Variants in OR3A2 observed in about 807,000 individuals in gnomAD.
OR3A2 encodes olfactory receptor 3A2.
For missense variants in OR3A2, 318 were observed against 392.8 expected, an observed-to-expected ratio of 0.81 and a Z score of 1.61; for synonymous variants, 126 against 159.3, an observed-to-expected ratio of 0.79 and a Z score of 1.57.
intron 2 of OR3A2, among the ~76,000 whole-genome samples, chr17:3,338,098 T>A (rs1192729737): frequency 6.6e-6 from 1 of 152,232 alleles, no homozygotes; most frequent in Non-Finnish European, 1.5e-5. Flanking sequence ...ATTCATATGC[T>A]TTGCCCACTT....
chr17:3,349,078 T>A (rs2049395859), intron 2 of OR3A2, among the ~76,000 whole-genome samples: 1 of 152,120 alleles, frequency 6.6e-6, no homozygotes. Context: ...TGCAAAATCA[T>A]GCCAAAATGT....
At chr17:3,339,948 G>A (rs977719679) in intron 2 of OR3A2, among the ~76,000 whole-genome samples, 3 of 152,126 alleles carry the variant, frequency 2.0e-5, no homozygotes, top group Non-Finnish European at 4.4e-5. Context: ...CTCAATTTCA[G>A]AGCCTGTTAT....
chr17:3,359,406 G>A (rs1357811150), intron 2 of OR3A2, among the ~76,000 whole-genome samples: 2 of 151,594 alleles, frequency 1.3e-5, no homozygotes, highest in South Asian at 2.1e-4. Context: ...TGTATTAGCT[G>A]GCAGTAGTCT....
chr17:3,369,454 G>A (rs1337881051), intron 2 of OR3A2, among the ~76,000 whole-genome samples: 2 of 152,114 alleles, frequency 1.3e-5, no homozygotes, highest in Non-Finnish European at 2.9e-5. Flanking sequence ...AAAGGATGCT[G>A]GATTTTGTCA....
chr17:3,373,780 G>T (rs547458827), intron 2 of OR3A2, among the ~76,000 whole-genome samples: 1 of 152,198 alleles, frequency 6.6e-6, no homozygotes, highest in African/African-American at 2.4e-5. Flanking sequence ...GGGGCACTTA[G>T]GCCATTTACA....
chr17:3,371,599 T>G (rs1228135501), intron 2 of OR3A2, among the ~76,000 whole-genome samples: 4 of 93,556 alleles, frequency 4.3e-5, no homozygotes, highest in South Asian at 4.1e-4. Context: ...CCGGACGGGG[T>G]GGCTGGCCGG....
chr17:3,338,420 C>T (rs1184390911), intron 2 of OR3A2, among the ~76,000 whole-genome samples: 2 of 152,084 alleles, frequency 1.3e-5, no homozygotes, highest in African/African-American at 2.4e-5. Context: ...ATATTTAAGT[C>T]TTTAATCCAT....
intron 2 of OR3A2, among the ~76,000 whole-genome samples, chr17:3,346,901 G>T (rs77322501): frequency 6.6e-6 from 1 of 152,214 alleles, no homozygotes; most frequent in East Asian, 1.9e-4. Flanking sequence ...GTACTCCATT[G>T]TGTATATGCA....
chr17:3,278,373 C>G, exon 2 of OR3A2: 1 of 1,614,152 alleles, frequency 6.2e-7, no homozygotes, highest in Non-Finnish European at 8.5e-7. Flanking sequence ...TGGGAGGTCA[C>G]AGTAGAAGTG....
intron 3 of OR3A2, among the ~76,000 whole-genome samples, chr17:3,309,607 A>C (rs1236164040): frequency 6.6e-6 from 1 of 152,098 alleles, no homozygotes; most frequent in African/African-American, 2.4e-5. Flanking sequence ...AATTTCCCAG[A>C]CTCTATACGG....
intron 2 of OR3A2, among the ~76,000 whole-genome samples, chr17:3,378,841 T>C (rs1301446162): frequency 6.6e-6 from 1 of 152,216 alleles, no homozygotes; most frequent in African/African-American, 2.4e-5. Flanking sequence ...AGGGCACTTA[T>C]TGCCAAGCAC....
At chr17:3,335,248 G>A (rs2049268279) in intron 3 of OR3A2, among the ~76,000 whole-genome samples, 2 of 151,942 alleles carry the variant, frequency 1.3e-5, no homozygotes, top group African/African-American at 4.8e-5. Flanking sequence ...ATTTCTCCAA[G>A]TCTGTTTTTT....
chr17:3,342,387 T>C (rs1185211344), intron 2 of OR3A2, among the ~76,000 whole-genome samples: 1 of 152,226 alleles, frequency 6.6e-6, no homozygotes, highest in East Asian at 1.9e-4. Flanking sequence ...CTCTGGTTTC[T>C]CCCCATCTTT....
chr17:3,347,200 A>T (rs1418099251), intron 2 of OR3A2, among the ~76,000 whole-genome samples: 1 of 151,366 alleles, frequency 6.6e-6, no homozygotes, highest in Admixed American at 6.6e-5. Context: ...AATGATGTTG[A>T]GTACCTTTTC....
chr17:3,279,019 C>CCTTTCACCAAGAATTTT, intron 1 of OR3A2, 57 bp downstream of exon 4: 1 of 1,542,264 alleles, frequency 6.5e-7, no homozygotes, highest in Non-Finnish European at 8.7e-7. Context: ...AGCCCCGTGG[C>CCTTTCACCAAGAATTTT]GAGTCCCCAG....
At chr17:3,353,036 T>C (rs959811242) in intron 2 of OR3A2, among the ~76,000 whole-genome samples, 1 of 151,798 alleles carries the variant, frequency 6.6e-6, no homozygotes, top group African/African-American at 2.4e-5. Flanking sequence ...CTTTTCAGAT[T>C]GTTCACTGTT....
chr17:3,321,059 C>G (rs1362994691), intron 3 of OR3A2, among the ~76,000 whole-genome samples: 3 of 152,062 alleles, frequency 2.0e-5, no homozygotes, highest in Non-Finnish European at 4.4e-5. Context: ...TTTCATTGAG[C>G]AGTGGTTTGT....
exon 2 of OR3A2, chr17:3,278,894 A>G: frequency 6.6e-7 from 1 of 1,519,864 alleles, no homozygotes. Context: ...CAGCGGTCCT[A>G]TTGGTCCCAG....
intron 3 of OR3A2, among the ~76,000 whole-genome samples, chr17:3,332,988 A>C (rs752980371): frequency 4.6e-5 from 7 of 152,224 alleles, no homozygotes; most frequent in Non-Finnish European, 8.8e-5. Context: ...AAGGGAAGAC[A>C]ACCATAAGAT....
Sources: allele counts gnomAD v4.1 joint callset (sites outside exome capture counted in the v4.1 genomes callset), GRCh38; gene constraint gnomAD v4.1.1; transcripts MANE v1.5; gene names NCBI Gene and HGNC (gene_info 2026-07-23, HGNC 2026-07-21).